Variants in TRPM3 observed in about 807,000 individuals in gnomAD.
TRPM3 encodes the protein long transient receptor potential channel 3.
TRPM3 carries 77 observed loss-of-function variants against 181.2 expected under a neutral mutation model. The observed-to-expected ratio is 0.42, with a 90% CI of 0.35 to 0.51. The LOEUF (loss-of-function observed/expected upper bound fraction) is 0.51. Ranked by LOEUF, TRPM3 falls within the 20% of genes least tolerant of loss-of-function variation. The pLI is 0.01. For missense variants in TRPM3, 1,759 were observed against 2,196.7 expected, an observed-to-expected ratio of 0.80 and a Z score of 3.98; for synonymous variants, 745 against 796.4, an observed-to-expected ratio of 0.94 and a Z score of 1.09.
intron 1 of TRPM3, among the ~76,000 whole-genome samples, chr9:71,043,890 C>A (rs2059117016): frequency 6.6e-6 from 1 of 152,308 alleles, no homozygotes; most frequent in Admixed American, 6.5e-5. Flanking sequence ...TTCACAAAGT[C>A]TAGTAGTCTT....
intron 22 of TRPM3, among the ~76,000 whole-genome samples, chr9:70,582,760 A>C (rs1248481326): frequency 1.3e-5 from 2 of 152,222 alleles, no homozygotes; most frequent in African/African-American, 4.8e-5. Flanking sequence ...CCATCACAGT[A>C]GATTCTACTG....
intron 5 of TRPM3, among the ~76,000 whole-genome samples, chr9:70,838,316 G>A (rs550949957): frequency 6.6e-6 from 1 of 152,306 alleles, no homozygotes; most frequent in East Asian, 1.9e-4. Flanking sequence ...ATAATGAGGA[G>A]AGGGGACCTT....
intron 1 of TRPM3, among the ~76,000 whole-genome samples, chr9:71,028,733 AG>A (rs1167874537): frequency 6.6e-6 from 1 of 152,192 alleles, no homozygotes; most frequent in Non-Finnish European, 1.5e-5. Context: ...ATAAGGGTAA[AG>A]GGTTCAATTC....
At chr9:70,999,271 T>C (rs1350796311) in intron 1 of TRPM3, among the ~76,000 whole-genome samples, 1 of 152,226 alleles carries the variant, frequency 6.6e-6, no homozygotes, top group Non-Finnish European at 1.5e-5. Context: ...TTAACTGAAC[T>C]GATTTCTCCA....
chr9:70,553,974 C>CA (rs1485464989), intron 22 of TRPM3, among the ~76,000 whole-genome samples: 1 of 151,878 alleles, frequency 6.6e-6, no homozygotes, highest in Non-Finnish European at 1.5e-5. Context: ...CTCATAGCCA[C>CA]ACCTGTTCTT....
rs764812504 is a variant in TRPM3 at position 70,606,432 on chromosome 9, TA to T, written c.2668-2963del. Among the ~76,000 whole-genome samples the T allele has an allele frequency of 7.2e-5, 11 of 152,310 alleles. No individual in the cohort carries two copies. The East Asian group carries it at 2.1e-3, about 29-fold the overall frequency. ...CCTGTTTTTTACATCACAGTTATTC[TA>T]TAATGAACTTTTCCCATAGTCAAGC... On this transcript the variant is annotated intron_variant, in intron 19 of 25. Transcript: ENST00000677713.
chr9:70,892,141 A>G (rs1337033), intron 1 of TRPM3, among the ~76,000 whole-genome samples: 51,716 of 152,104 alleles, frequency 0.34, 10,151 homozygotes, highest in Admixed American at 0.43. Context: ...TGAATCGCCC[A>G]TGTTATTTTA....
intron 1 of TRPM3, among the ~76,000 whole-genome samples, chr9:71,157,123 T>C (rs1267363720): frequency 6.6e-6 from 1 of 152,164 alleles, no homozygotes; most frequent in Non-Finnish European, 1.5e-5. Context: ...CTGACTTTCT[T>C]AGAGTCTAGG....
At chr9:70,603,585 T>C (rs922246300) in intron 19 of TRPM3, 115 bp from the exon 20 acceptor site, 1 of 1,159,594 alleles carries the variant, frequency 8.6e-7, no homozygotes, top group Non-Finnish European at 1.2e-6. Flanking sequence ...ACAGACTTTA[T>C]GACAAAAGGA....
intron 1 of TRPM3, among the ~76,000 whole-genome samples, chr9:70,920,913 CAATT>C (rs1404109930): frequency 2.0e-5 from 3 of 152,230 alleles, no homozygotes; most frequent in Non-Finnish European, 2.9e-5. Flanking sequence ...TGCATACTCT[CAATT>C]AAATATTCCT....
In TRPM3 at chr9:71,423,671, G is replaced by GAT. The variant is rs2093815874; in HGVS notation, c.183+22980_183+22981dup. ...TTTTGGAACTATGAAATTTAAGATG[G>GAT]ATATATATACAAACACACGTATATA... On this transcript the variant is annotated intron_variant, in intron 1 of 24. Coordinates refer to the TRPM3 transcript ENST00000357533. Among the ~76,000 whole-genome samples, 3 of 151,974 alleles carry GAT rather than the reference G, an allele frequency of 2.0e-5. No individual in the cohort carries two copies. In the South Asian group the frequency reaches 6.2e-4, roughly 31 times the overall value.
chr9:71,269,462 CA>C, intron 1 of TRPM3, among the ~76,000 whole-genome samples: 1 of 152,270 alleles, frequency 6.6e-6, no homozygotes, highest in Non-Finnish European at 1.5e-5. Flanking sequence ...CTGCACCGAG[CA>C]ACAGAGCAGA....
intron 1 of TRPM3, among the ~76,000 whole-genome samples, chr9:71,382,548 T>A (rs1037016232): frequency 6.6e-6 from 1 of 152,118 alleles, no homozygotes. Flanking sequence ...TAAGGCTATA[T>A]GAAAAGCAAC....
chr9:71,254,900 C>T (rs982002657), intron 1 of TRPM3, among the ~76,000 whole-genome samples: 1 of 152,180 alleles, frequency 6.6e-6, no homozygotes, highest in Admixed American at 6.5e-5. Context: ...TCTTACCTTT[C>T]ATCCAGATGA....
At chr9:70,931,369 T>G (rs942566710) in intron 1 of TRPM3, among the ~76,000 whole-genome samples, 1 of 152,140 alleles carries the variant, frequency 6.6e-6, no homozygotes, top group Non-Finnish European at 1.5e-5. Context: ...AGCAGTGTAT[T>G]CAGGGTGCAT....
chr9:71,153,427 A>AT (rs1032602441), intron 1 of TRPM3, among the ~76,000 whole-genome samples: 1 of 151,594 alleles, frequency 6.6e-6, no homozygotes, highest in Non-Finnish European at 1.5e-5. Context: ...AGTAGCTGGG[A>AT]TTACAGGCAT....
chr9:70,960,091 T>C (rs899884046), intron 1 of TRPM3, among the ~76,000 whole-genome samples: 1 of 152,164 alleles, frequency 6.6e-6, no homozygotes, highest in East Asian at 1.9e-4. Context: ...TCTTAGTCCA[T>C]TGCAAGTCTG....
chr9:70,855,020 G>C (rs1484068040), intron 3 of TRPM3, among the ~76,000 whole-genome samples: 1 of 152,220 alleles, frequency 6.6e-6, no homozygotes, highest in African/African-American at 2.4e-5. Context: ...GAGGGCATCA[G>C]TAACTAAAAC....
chr9:71,070,498 T>C (rs943048368), intron 1 of TRPM3, among the ~76,000 whole-genome samples: 1 of 152,222 alleles, frequency 6.6e-6, no homozygotes, highest in African/African-American at 2.4e-5. Context: ...CCAGATTTCT[T>C]ATCAGATGTA....
Sources: allele counts gnomAD v4.1 joint callset (sites outside exome capture counted in the v4.1 genomes callset), GRCh38; gene constraint gnomAD v4.1.1; transcripts MANE v1.5; gene names NCBI Gene and HGNC (gene_info 2026-07-23, HGNC 2026-07-21).